Variants in PABPC4L observed in about 807,000 individuals in gnomAD.
The protein encoded by PABPC4L is polyadenylate-binding protein 4-like.
For synonymous variants in PABPC4L, 169 were observed against 164.1 expected, an observed-to-expected ratio of 1.03 and a Z score of -0.23; for missense variants, 452 against 451.4, an observed-to-expected ratio of 1.00 and a Z score of -0.01.
chr4:134,182,702 C>G, the PABPC4L span, among the ~76,000 whole-genome samples: 12 of 151,736 alleles, frequency 7.9e-5, no homozygotes, highest in Non-Finnish European at 1.6e-4. Flanking sequence ...TTGCAAACTA[C>G]TAATCCAACA....
the PABPC4L span, among the ~76,000 whole-genome samples, chr4:133,985,105 C>T: frequency 4.6e-5 from 7 of 151,964 alleles, no homozygotes; most frequent in African/African-American, 1.4e-4. Context: ...ACCAAGAAAA[C>T]GTTACATAAA....
At chr4:134,045,783 G>C in the PABPC4L span, among the ~76,000 whole-genome samples, 1 of 152,044 alleles carries the variant, frequency 6.6e-6, no homozygotes, top group Non-Finnish European at 1.5e-5. Context: ...TGAGCATGCT[G>C]AATGTCTGGC....
chr4:134,155,585 C>A, the PABPC4L span, among the ~76,000 whole-genome samples: 2 of 151,866 alleles, frequency 1.3e-5, no homozygotes, highest in Non-Finnish European at 2.9e-5. Flanking sequence ...TTATTTTCAT[C>A]ATTTTATTTG....
At chr4:134,137,996 T>A in the PABPC4L span, among the ~76,000 whole-genome samples, 3 of 151,846 alleles carry the variant, frequency 2.0e-5, no homozygotes. Context: ...CCCATTCCAC[T>A]ACTCTAAGTA....
the PABPC4L span, among the ~76,000 whole-genome samples, chr4:133,989,806 AT>A: frequency 6.6e-6 from 1 of 152,106 alleles, no homozygotes; most frequent in Admixed American, 6.5e-5. Context: ...ATACCTGAGA[AT>A]GGGTAATTTA....
At chr4:134,140,452 A>G in the PABPC4L span, among the ~76,000 whole-genome samples, 8 of 151,848 alleles carry the variant, frequency 5.3e-5, no homozygotes, top group Non-Finnish European at 1.2e-4. Context: ...CTCATCAAAT[A>G]TTTATACAAT....
the PABPC4L span, among the ~76,000 whole-genome samples, chr4:133,951,554 G>A: frequency 0.029 from 4,424 of 152,214 alleles, 216 homozygotes; most frequent in African/African-American, 0.1. Flanking sequence ...TTAGAGACAG[G>A]ATCAAGAAGC....
At chr4:134,113,842 A>T in the PABPC4L span, among the ~76,000 whole-genome samples, 1 of 151,626 alleles carries the variant, frequency 6.6e-6, no homozygotes, top group Non-Finnish European at 1.5e-5. Context: ...AATGAGAGAG[A>T]AGGTCATTTT....
the PABPC4L span, among the ~76,000 whole-genome samples, chr4:134,137,785 C>A: frequency 6.6e-6 from 1 of 151,840 alleles, no homozygotes; most frequent in Non-Finnish European, 1.5e-5. Context: ...AACCTCTTAA[C>A]TAGAATTCCA....
At chr4:133,999,478 A>C in the PABPC4L span, among the ~76,000 whole-genome samples, 1 of 152,124 alleles carries the variant, frequency 6.6e-6, no homozygotes, top group Non-Finnish European at 1.5e-5. Flanking sequence ...TTTTGCAAAC[A>C]TATCAATGAC....
the PABPC4L span, among the ~76,000 whole-genome samples, chr4:134,057,070 G>C: frequency 1.3e-5 from 2 of 151,856 alleles, no homozygotes; most frequent in African/African-American, 2.4e-5. Context: ...CTATTTTTCT[G>C]GGAGTTTTTG....
chr4:134,129,217 A>C, the PABPC4L span, among the ~76,000 whole-genome samples: 1 of 152,116 alleles, frequency 6.6e-6, no homozygotes, highest in African/African-American at 2.4e-5. Flanking sequence ...ACAGCAACAT[A>C]ATAATAGTGG....
At chr4:133,964,254 C>G in the PABPC4L span, among the ~76,000 whole-genome samples, 1 of 151,856 alleles carries the variant, frequency 6.6e-6, no homozygotes, top group Non-Finnish European at 1.5e-5. Context: ...ATACAACCTT[C>G]CTAGCTTAAA....
chr4:133,997,266 C>T, the PABPC4L span, among the ~76,000 whole-genome samples: 1 of 152,118 alleles, frequency 6.6e-6, no homozygotes, highest in African/African-American at 2.4e-5. Flanking sequence ...GTGAAGAATA[C>T]ATGTCAAAAG....
chr4:134,161,273 A>G, the PABPC4L span, among the ~76,000 whole-genome samples: 3 of 152,008 alleles, frequency 2.0e-5, no homozygotes, highest in African/African-American at 4.8e-5. Flanking sequence ...AAGCATGCCT[A>G]TAGGATCTAC....
At chr4:134,146,105 C>T in the PABPC4L span, among the ~76,000 whole-genome samples, 19 of 151,200 alleles carry the variant, frequency 1.3e-4, no homozygotes, top group African/African-American at 4.6e-4. Flanking sequence ...GTAAAATGTA[C>T]ATGTATATTT....
the PABPC4L span, among the ~76,000 whole-genome samples, chr4:134,034,461 T>C: frequency 6.6e-6 from 1 of 152,038 alleles, no homozygotes; most frequent in Admixed American, 6.6e-5. Flanking sequence ...ACAGCTGCTA[T>C]AGAGAGTGAT....
chr4:134,066,450 A>G, the PABPC4L span, among the ~76,000 whole-genome samples: 1 of 152,096 alleles, frequency 6.6e-6, no homozygotes, highest in Admixed American at 6.6e-5. Context: ...TGGGCAGACT[A>G]TTCGGTGTTC....
the PABPC4L span, among the ~76,000 whole-genome samples, chr4:134,002,954 CT>C: frequency 6.6e-6 from 1 of 151,810 alleles, no homozygotes; most frequent in African/African-American, 2.4e-5. Flanking sequence ...CCTCTAAAAA[CT>C]GCAAAACTAG....
Sources: gnomAD v4.1 joint callset for allele counts (sites outside exome capture counted in the v4.1 genomes callset) on GRCh38, gnomAD v4.1.1 for gene constraint, MANE v1.5 for transcripts, NCBI Gene and HGNC (gene_info 2026-07-23, HGNC 2026-07-21) for gene names.